The following PHF14 variants were observed in gnomAD, a reference collection of about 807,000 sequenced individuals.
PHF14 encodes the protein PHD finger protein 14.
PHF14 carries 55 observed loss-of-function variants against 117.9 expected under a neutral mutation model. That is an observed-to-expected ratio of 0.47 (90% CI 0.38 to 0.58). The LOEUF is 0.58. Among genes scored for constraint, PHF14 ranks in the 20% least tolerant of loss-of-function variants. The probability of loss-of-function intolerance (pLI) is 0.00; values close to 1 mark genes in which losing one functional copy is unlikely to be tolerated. For missense variants in PHF14, 978 were observed against 1,122.2 expected, an observed-to-expected ratio of 0.87 and a Z score of 1.84; for synonymous variants, 409 against 368.6, an observed-to-expected ratio of 1.11 and a Z score of -1.26.
intron 14 of PHF14, among the ~76,000 whole-genome samples, chr7:11,058,507 T>C (rs1785096836): frequency 6.6e-6 from 1 of 152,182 alleles, no homozygotes. Flanking sequence ...TTTGGAAATA[T>C]TAGTAATGTG....
At chr7:11,026,494 G>T (rs1783915374) in intron 6 of PHF14, among the ~76,000 whole-genome samples, 1 of 152,096 alleles carries the variant, frequency 6.6e-6, no homozygotes, top group Admixed American at 6.5e-5. Context: ...GGTTATTTGA[G>T]CATTAACAGA....
intron 17 of PHF14, among the ~76,000 whole-genome samples, chr7:11,113,666 G>A (rs770730432): frequency 6.6e-6 from 1 of 152,052 alleles, no homozygotes; most frequent in Non-Finnish European, 1.5e-5. Context: ...AACTTCCGGA[G>A]ACTTAATTGA....
At position 11,130,891 on chromosome 7, in the gene PHF14, G is replaced by A. The variant is rs1011938331; in HGVS notation, c.2772+19424G>A. 6.6e-6 allele frequency among the ~76,000 whole-genome samples: 1 copy of A among 151,672 alleles called. No homozygotes were observed. The highest frequency in any genetic ancestry group is 6.6e-5 in the Admixed American group (1 of 15,186). ...ATCCTTTTGCTGTCTCCATAGTTTT[G>A]CCTTTTCTGAATGTCATATAGTATG... is the stretch of plus-strand genomic sequence containing the variant. On this transcript the variant is annotated intron_variant, in intron 17 of 17. Transcript: ENST00000634607. The surrounding 1 kb of genome is among the most constrained non-coding windows in gnomAD (Gnocchi z 4.2).
chr7:11,145,412 G>T (rs1391496979), intron 17 of PHF14, among the ~76,000 whole-genome samples: 1 of 151,984 alleles, frequency 6.6e-6, no homozygotes, highest in Non-Finnish European at 1.5e-5. Context: ...AAGTCACTGT[G>T]CTATAATTAT....
At chr7:11,153,841 A>G (rs1788768574) in intron 17 of PHF14, among the ~76,000 whole-genome samples, 1 of 152,150 alleles carries the variant, frequency 6.6e-6, no homozygotes, top group African/African-American at 2.4e-5. Context: ...TTTCAACCTT[A>G]GACTTACTCC....
chr7:11,088,071 AT>A (rs144157235), intron 16 of PHF14, among the ~76,000 whole-genome samples: 2,595 of 152,236 alleles, frequency 0.017, 72 homozygotes, highest in East Asian at 0.12. Context: ...TGGGGCATTG[AT>A]TCCAGGACCG....
intron 16 of PHF14, among the ~76,000 whole-genome samples, chr7:11,079,086 G>T (rs528449744): frequency 6.6e-6 from 1 of 152,074 alleles, no homozygotes; most frequent in African/African-American, 2.4e-5. Flanking sequence ...GATGAATTAA[G>T]GTTATCAGTT....
At chr7:11,061,147 T>G (rs1044970841) in intron 14 of PHF14, 1 of 152,218 alleles carries the variant, frequency 6.6e-6, no homozygotes, top group Non-Finnish European at 1.5e-5. Context: ...CAAATACTAA[T>G]GTAGTTACAG....
intron 16 of PHF14, among the ~76,000 whole-genome samples, chr7:11,076,105 C>T (rs1020754007): frequency 1.3e-5 from 2 of 152,222 alleles, no homozygotes; most frequent in African/African-American, 4.8e-5. Context: ...TGCCGCTGCA[C>T]TCCAGCCTGG....
chr7:11,069,045 T>A (rs1785520668), intron 16 of PHF14, among the ~76,000 whole-genome samples: 2 of 152,200 alleles, frequency 1.3e-5, no homozygotes, highest in Admixed American at 1.3e-4. Flanking sequence ...AGGTGGTCAG[T>A]TAGGAAAACA....
chr7:11,061,582 G>T lies in PHF14; in HGVS notation c.2482-209G>T, dbSNP rs1785223064. The T allele has an allele frequency of 1.1e-5, 4 of 354,658 alleles. 1 individual carries two copies. The highest frequency in any genetic ancestry group is 8.4e-5 in the African/African-American group (4 of 47,378). The allele number at this position is 354,658 out of a possible 1,614,324, so 22.0% of individuals were successfully genotyped here. A position where few individuals can be genotyped will look rare whatever the true frequency, so the allele number is the denominator to read the frequency against. On this transcript the variant is annotated intron_variant, in intron 14 of 17. Transcript: ENST00000634607. ...TTATTTAAAAGTAAAGTACTATAAA[G>T]TATATTTAATTTGTTACTTTTTATT...
At chr7:11,066,749 T>C (rs548214648) in intron 16 of PHF14, among the ~76,000 whole-genome samples, 1 of 152,362 alleles carries the variant, frequency 6.6e-6, no homozygotes, top group Admixed American at 6.5e-5. Flanking sequence ...GGCTTATTTC[T>C]AGACTTTCTA....
At position 11,036,477 on chromosome 7, in the gene PHF14, C is replaced by G. The variant is rs769131229; in HGVS notation, c.1662C>G (p.Thr554=). The change falls in exon 9 of 18, where the codon ACC becomes ACG. Residue 554 remains threonine, a synonymous_variant. Transcript: ENST00000634607. ...CCAAAGCAGAACTAGCTCGATCTAC[C>G]AGACCCCAGGCCTGGGTTCCAAGGG... ...YRAKAELARS[T]RPQAWVPREK... The G allele has an allele frequency of 7.4e-6, 12 of 1,613,734 alleles. No individual in the cohort carries two copies. The Admixed American group carries it at 1.5e-4, about 20-fold the overall frequency.
intron 17 of PHF14, among the ~76,000 whole-genome samples, chr7:11,150,230 A>G (rs936315416): frequency 6.6e-6 from 1 of 152,152 alleles, no homozygotes; most frequent in African/African-American, 2.4e-5. Flanking sequence ...GAGAGCTACA[A>G]TACGCATTAG....
chr7:11,154,660 A>G (rs753677515), intron 17 of PHF14, among the ~76,000 whole-genome samples: 2 of 152,202 alleles, frequency 1.3e-5, no homozygotes, highest in Non-Finnish European at 2.9e-5. Context: ...ATTAATTTAC[A>G]TTCTCTACAA....
chr7:11,113,195 A>G (rs970735045), intron 17 of PHF14, among the ~76,000 whole-genome samples: 3 of 152,118 alleles, frequency 2.0e-5, no homozygotes, highest in Non-Finnish European at 2.9e-5. Flanking sequence ...CAATAATACT[A>G]TAAATATGTA....
rs1240357506 is a variant in PHF14 at position 11,132,126 on chromosome 7, C to G, written c.2772+20659C>G. On this transcript the variant is annotated intron_variant, in intron 17 of 17. Coordinates refer to ENST00000634607, the MANE Select transcript of PHF14 (RefSeq NM_001007157.2). ...TTTTGGCAAGAATAGCTAAAATCTA[C>G]TCATTTTGCATGAATTCCAAATACA... 2.0e-5 allele frequency among the ~76,000 whole-genome samples: 3 copies of G among 151,828 alleles called. No homozygotes were observed. The East Asian group carries it at 5.8e-4, about 29-fold the overall frequency.
chr7:11,007,569 C>T (rs945614325), intron 4 of PHF14, among the ~76,000 whole-genome samples: 6 of 152,116 alleles, frequency 3.9e-5, no homozygotes, highest in Non-Finnish European at 5.9e-5. Flanking sequence ...CTTACAGTGA[C>T]AGACTTCCAT....
chr7:11,154,866 A>T (rs1213340607), intron 17 of PHF14, among the ~76,000 whole-genome samples: 1 of 152,172 alleles, frequency 6.6e-6, no homozygotes, highest in African/African-American at 2.4e-5. Flanking sequence ...GAATAATACA[A>T]TTATATTGTA....
Sources: allele counts gnomAD v4.1 joint callset (sites outside exome capture counted in the v4.1 genomes callset), GRCh38; gene constraint gnomAD v4.1.1; non-coding constraint Gnocchi (gnomAD v3.1); transcripts MANE v1.5; gene names NCBI Gene and HGNC (gene_info 2026-07-23, HGNC 2026-07-21).